The following NFIA variants were observed in gnomAD, a reference collection of about 807,000 sequenced individuals.
The protein encoded by NFIA is nuclear factor 1 A-type.
A neutral mutation model predicts 62.8 loss-of-function variants in NFIA; 8 were observed. The observed-to-expected ratio is 0.13, with a 90% CI of 0.07 to 0.23. NFIA has a LOEUF of 0.23. Among genes scored for constraint, NFIA ranks in the 10% least tolerant of loss-of-function variants. NFIA has a pLI of 1.00. For missense variants in NFIA, 410 were observed against 642.1 expected (o/e 0.64, Z 3.91); for synonymous variants, 235 against 238.1 (o/e 0.99, Z 0.12).
At position 61,200,042 on chromosome 1, in the gene NFIA, ATATATATATATATATATATATATATG is replaced by A. The variant is rs1459274085; in HGVS notation, c.560-77474_560-77449del. 4.6e-3 allele frequency among the ~76,000 whole-genome samples: 227 copies of A among 49,272 alleles called. 8 individuals are homozygous for A. Among genetic ancestry groups the A allele is most frequent in the African/African-American group, 0.027 (208 of 7,770 alleles). The allele number at this position is 49,272 out of a possible 152,430, so 32.3% of individuals were successfully genotyped here. A position where few individuals can be genotyped will look rare whatever the true frequency, so the allele number is the denominator to read the frequency against. On this transcript the variant is annotated intron_variant, in intron 2 of 10. Coordinates refer to ENST00000403491, the MANE Select transcript of NFIA (RefSeq NM_001134673.4). ...TATATATATATATATATATATATAT[ATATATATATATATATATATATATATG>A]TATGTATGTTGAGCTAGAATTATGC...
upstream of NFIA, among the ~76,000 whole-genome samples, chr1:61,080,893 T>C (rs1646086741): frequency 6.6e-6 from 1 of 152,222 alleles, no homozygotes; most frequent in African/African-American, 2.4e-5. Flanking sequence ...TCTTTTGCTC[T>C]TTCTCCAGTA....
chr1:61,155,834 T>C (rs1648779945), intron 2 of NFIA, among the ~76,000 whole-genome samples: 2 of 151,838 alleles, frequency 1.3e-5, no homozygotes, highest in South Asian at 4.2e-4. Context: ...TAAAGTGAGT[T>C]CATTAAGAAT....
intron 7 of NFIA, among the ~76,000 whole-genome samples, chr1:61,395,194 A>G (rs888454633): frequency 1.3e-5 from 2 of 151,998 alleles, no homozygotes; most frequent in Non-Finnish European, 2.9e-5. Context: ...TAAATCTGAC[A>G]ATTTGGTGGA....
At position 61,184,452 on chromosome 1, in the gene NFIA, G is replaced by T. The variant is rs548604965; in HGVS notation, c.560-93068G>T. Among the ~76,000 whole-genome samples, 4 of 152,352 alleles carry T rather than the reference G, an allele frequency of 2.6e-5. No individual in the cohort carries two copies. In the South Asian group the frequency reaches 8.3e-4, roughly 32 times the overall value. On this transcript the variant is annotated intron_variant, in intron 2 of 10. Coordinates refer to ENST00000403491, the MANE Select transcript of NFIA (RefSeq NM_001134673.4). ...TCTTGCTGAATGTGTCTAGCAGACT[G>T]GCATTTGTCCATAAAGTTATTTTAG...
intron 3 of NFIA, among the ~76,000 whole-genome samples, chr1:61,283,464 C>T (rs1658263396): frequency 6.6e-6 from 1 of 150,814 alleles, no homozygotes; most frequent in Non-Finnish European, 1.5e-5. Context: ...TGCTTGTAAT[C>T]CTAGCCACTT....
intron 2 of NFIA, among the ~76,000 whole-genome samples, chr1:61,176,208 A>C (rs1650332650): frequency 6.6e-6 from 1 of 152,230 alleles, no homozygotes; most frequent in African/African-American, 2.4e-5. Context: ...GGAAGGCTTC[A>C]TGGCAGCTGG....
At chr1:61,229,676 A>T (rs952511521) in intron 2 of NFIA, among the ~76,000 whole-genome samples, 1 of 152,124 alleles carries the variant, frequency 6.6e-6, no homozygotes, top group Admixed American at 6.5e-5. Flanking sequence ...CCTCCCCAAC[A>T]TGCATTTATT....
At chr1:61,271,783 C>A (rs1184267473) in intron 2 of NFIA, among the ~76,000 whole-genome samples, 1 of 152,194 alleles carries the variant, frequency 6.6e-6, no homozygotes. Flanking sequence ...ACTGCAGTTA[C>A]CGTGTACATA....
intron 2 of NFIA, among the ~76,000 whole-genome samples, chr1:61,158,006 G>A (rs1381356880): frequency 6.6e-6 from 1 of 152,198 alleles, no homozygotes; most frequent in Non-Finnish European, 1.5e-5. Flanking sequence ...GTTTCAGAGG[G>A]ATAAACCACT....
chr1:61,250,995 T>C (rs904711432), intron 2 of NFIA: 1 of 152,190 alleles, frequency 6.6e-6, no homozygotes, highest in Non-Finnish European at 1.5e-5. Flanking sequence ...AGAAAAAAGA[T>C]GGAGAGCCTT....
intron 2 of NFIA, among the ~76,000 whole-genome samples, chr1:61,152,050 AT>A (rs1187022358): frequency 6.6e-6 from 1 of 152,122 alleles, no homozygotes; most frequent in Admixed American, 6.5e-5. Context: ...TGTATCTTCC[AT>A]TTTTATTCCA....
intron 2 of NFIA, among the ~76,000 whole-genome samples, chr1:61,111,292 C>T (rs1023313154): frequency 5.9e-5 from 9 of 152,094 alleles, no homozygotes; most frequent in African/African-American, 2.2e-4. Context: ...TTATTGAGAA[C>T]CTACTGTGCG....
At chr1:61,156,971 A>C (rs1401984866) in intron 2 of NFIA, among the ~76,000 whole-genome samples, 3 of 152,172 alleles carry the variant, frequency 2.0e-5, no homozygotes, top group East Asian at 3.9e-4. Flanking sequence ...AAAGCTCTCC[A>C]ACTGTGGGGT....
At chr1:61,353,235 TAACCTC>T (rs1443918010) in intron 5 of NFIA, among the ~76,000 whole-genome samples, 2 of 152,088 alleles carry the variant, frequency 1.3e-5, no homozygotes, top group Non-Finnish European at 2.9e-5. Flanking sequence ...GTCACTTGCA[TAACCTC>T]AAGTGAGGGT....
chr1:61,173,609 C>T (rs190793079), intron 2 of NFIA, among the ~76,000 whole-genome samples: 3 of 152,180 alleles, frequency 2.0e-5, no homozygotes, highest in East Asian at 1.9e-4. Context: ...AGGCTAGTCT[C>T]GAACTGCTGG....
intron 2 of NFIA, among the ~76,000 whole-genome samples, chr1:61,097,996 G>A (rs547495862): frequency 6.6e-6 from 1 of 152,172 alleles, no homozygotes; most frequent in African/African-American, 2.4e-5. Context: ...ATGACATCAA[G>A]CCCTTCTTCG....
At chr1:61,281,817 T>C (rs1002084582) in intron 3 of NFIA, among the ~76,000 whole-genome samples, 3 of 152,150 alleles carry the variant, frequency 2.0e-5, no homozygotes, top group African/African-American at 7.2e-5. Context: ...ACAAATTCCT[T>C]TTAAAAAAAA....
chr1:61,124,507 C>T (rs1483159947), intron 2 of NFIA, among the ~76,000 whole-genome samples: 1 of 152,124 alleles, frequency 6.6e-6, no homozygotes, highest in Non-Finnish European at 1.5e-5. Flanking sequence ...GCAAGAGGAG[C>T]AGGCATTCCA....
At chr1:61,447,640 C>A (rs185793469) in intron 10 of NFIA, among the ~76,000 whole-genome samples, 1 of 152,152 alleles carries the variant, frequency 6.6e-6, no homozygotes, top group Non-Finnish European at 1.5e-5. Context: ...TTAATCTCCA[C>A]GCTGCACCTC....
Sources: gnomAD v4.1 joint callset for allele counts (sites outside exome capture counted in the v4.1 genomes callset) on GRCh38, gnomAD v4.1.1 for gene constraint, MANE v1.5 for transcripts, NCBI Gene and HGNC (gene_info 2026-07-23, HGNC 2026-07-21) for gene names.